The following MAMSTR variants were observed in gnomAD, a reference collection of about 807,000 sequenced individuals.
MAMSTR encodes the protein MEF2 activating motif and SAP domain containing transcriptional regulator, also known as MEF2-activating motif and SAP domain-containing transcriptional regulator.
MAMSTR carries 41 observed loss-of-function variants against 42.7 expected under a neutral mutation model. The ratio of observed to expected loss-of-function variants is 0.96; its 90% CI spans 0.75 to 1.25. MAMSTR has a LOEUF of 1.25. MAMSTR is among the 50% of genes most tolerant of loss of function. The pLI is 0.00. For synonymous variants in MAMSTR, 265 were observed against 244.1 expected (o/e 1.09, Z -0.80); for missense variants, 567 against 557.6 (o/e 1.02, Z -0.17).
Position 48,714,787 on chromosome 19 carries a change from A to C in MAMSTR, c.528+19T>G. ...ACCGAAGGAGAGAGAAGGCCTGGAA[A>C]GTTACACCCCAAACTCACCGTCAGC... is the stretch of plus-strand genomic sequence containing the variant. On this transcript the variant is annotated intron_variant, in intron 6 of 9. Transcript: ENST00000318083. 5.8e-6 allele frequency: 9 copies of C among 1,564,330 alleles called. No homozygotes were observed. The highest frequency in any genetic ancestry group is 7.9e-6 in the Non-Finnish European group (9 of 1,133,858).
Position 48,713,030 on chromosome 19 carries a change from C to A in MAMSTR, c.*237G>T. ...GCAGCAAGCAGCTTGTTTGCCGTGGCCAGCAGCAAAAGAAGCCCCCCAACC... is the reference window on the plus strand; with the variant it reads ...GCAGCAAGCAGCTTGTTTGCCGTGGACAGCAGCAAAAGAAGCCCCCCAACC... On this transcript the variant is annotated 3_prime_UTR_variant, in exon 10 of 10. Transcript: ENST00000318083. The A allele has an allele frequency of 2.1e-6, 1 of 469,042 alleles. No individual in the cohort carries two copies. 29.1% of individuals were successfully genotyped at this position (469,042 alleles called of 1,614,324 possible).
In MAMSTR at chr19:48,715,390, T is replaced by A. The variant is rs1048729125; in HGVS notation, c.297A>T (p.Thr99=). 3 of 1,523,652 alleles carry A rather than the reference T, an allele frequency of 2.0e-6. No homozygotes were observed. The highest frequency in any genetic ancestry group is 2.6e-6 in the Non-Finnish European group (3 of 1,142,552). The allele number at this position is 1,523,652 out of a possible 1,614,324, so 94.4% of individuals were successfully genotyped here. ...GCTCTGGGGGCATGTACTGGTGGTA[T>A]GTCAAGTTCCCCCTGGGCTTGGACT... is the stretch of plus-strand genomic sequence containing the variant. ...WRESKPRGNL[T]YHQYMPPEPR... Residue 99 remains threonine (T), a synonymous_variant, in exon 5 of 10, where the codon ACA becomes ACT. Transcript: ENST00000318083.
chr19:48,717,008 C>T (rs2033068944), intron 2 of MAMSTR: 27 of 1,124,194 alleles, frequency 2.4e-5, no homozygotes, highest in Admixed American at 4.9e-5. Flanking sequence ...CTGCCCCCGG[C>T]TCCACCTGCC....
downstream of MAMSTR, among the ~76,000 whole-genome samples, chr19:48,707,816 G>GAC (rs2032665177): frequency 8.2e-6 from 1 of 121,944 alleles, no homozygotes; most frequent in Non-Finnish European, 1.7e-5. Flanking sequence ...AGGAAAGAAA[G>GAC]AAAGAAAGAC....
At position 48,719,284 on chromosome 19, in the gene MAMSTR, AAGAC is replaced by A. The variant is rs924372819; in HGVS notation, c.-21-236_-21-233del. ...CTGGGGACCCAGACACCTGGTCTGA[AAGAC>A]AGGGCTGAGGGTCTCAACCCTGGGA... On this transcript the variant is annotated intron_variant, in intron 1 of 9. Coordinates refer to ENST00000318083, the MANE Select transcript of MAMSTR (RefSeq NM_001130915.2). The surrounding 1 kb of genome is among the most constrained non-coding windows in gnomAD (Gnocchi z 4.4). Among the ~76,000 whole-genome samples the A allele has an allele frequency of 1.3e-5, 2 of 152,014 alleles. No homozygotes were observed. Among genetic ancestry groups the A allele is most frequent in the African/African-American group, 4.8e-5 (2 of 41,396 alleles).
chr19:48,714,223 G>T, intron 7 of MAMSTR, 143 bp downstream of exon 7: 2 of 985,392 alleles, frequency 2.0e-6, no homozygotes, highest in Non-Finnish European at 1.4e-6. Context: ...CCCCCTGTTA[G>T]TCTGAACCAC....
downstream of MAMSTR, among the ~76,000 whole-genome samples, chr19:48,710,642 G>C (rs1317039241): frequency 3.6e-4 from 54 of 148,536 alleles, no homozygotes; most frequent in African/African-American, 1.3e-3. Flanking sequence ...TGTCACCCAG[G>C]CTGGAGTGCA....
chr19:48,710,015 G>A (rs1284864965), downstream of MAMSTR, among the ~76,000 whole-genome samples: 5 of 151,556 alleles, frequency 3.3e-5, no homozygotes, highest in Non-Finnish European at 5.9e-5. Flanking sequence ...GACTACAGGC[G>A]CCCACCACTG....
intron 2 of MAMSTR, 187 bp from the exon 3 acceptor site, chr19:48,716,930 A>C: frequency 8.3e-7 from 1 of 1,200,210 alleles, no homozygotes; most frequent in Non-Finnish European, 1.0e-6. Context: ...GCTCCCTGCC[A>C]GCGCAGCGCC....
In MAMSTR at chr19:48,719,416, C is replaced by A. The variant is rs2033169750; in HGVS notation, c.-22+263G>T. ...CTAGGAAAGGGAGGAAGCAGAGGGG[C>A]CTGGAGTCTGGAATCTTGAAGGAGA... On this transcript the variant is annotated intron_variant, in intron 1 of 9. Transcript: ENST00000318083. This position sits in a 1 kb window ranked among gnomAD's most constrained non-coding sequence, Gnocchi z 4.4. Among the ~76,000 whole-genome samples, 1 of 152,022 alleles carries A rather than the reference C, an allele frequency of 6.6e-6. No individual in the cohort carries two copies. The highest frequency in any genetic ancestry group is 1.5e-5 in the Non-Finnish European group (1 of 67,986).
chr19:48,718,000 C>T (rs1406200282), intron 2 of MAMSTR, among the ~76,000 whole-genome samples: 5 of 152,170 alleles, frequency 3.3e-5, no homozygotes, highest in African/African-American at 9.7e-5. Context: ...CCACCTTGCC[C>T]GGCGTCATTT....
downstream of MAMSTR, among the ~76,000 whole-genome samples, chr19:48,707,767 A>G (rs1335421408): frequency 6.7e-6 from 1 of 149,488 alleles, no homozygotes; most frequent in African/African-American, 2.5e-5. Context: ...AGAGAAAGAA[A>G]AGAGAAAGAA....
chr19:48,719,373 G>A lies in MAMSTR; in HGVS notation c.-22+306C>T, dbSNP rs1196319894. Among the ~76,000 whole-genome samples, 1 of 152,086 alleles carries A rather than the reference G, an allele frequency of 6.6e-6. No homozygotes were observed. Reference sequence around the variant, plus strand: ...CTGGGTCCTGAGGAGGAAGGGTTGCGGGTTGGGACCCCTGTGTCTAGGAAA... The same window carrying A: ...CTGGGTCCTGAGGAGGAAGGGTTGCAGGTTGGGACCCCTGTGTCTAGGAAA... On this transcript the variant is annotated intron_variant, in intron 1 of 9. Transcript: ENST00000318083. This position sits in a 1 kb window ranked among gnomAD's most constrained non-coding sequence, Gnocchi z 4.4.
chr19:48,713,231 C>A lies in MAMSTR; in HGVS notation c.*36G>T. The stretch of plus-strand genomic sequence containing the variant: ...TCCCACAAGGAGCTTCTCTCCACCC[C>A]CATCAGTTCTCTGTCTCTGTAAATC... On this transcript the variant is annotated 3_prime_UTR_variant, in exon 10 of 10. Transcript: ENST00000318083. 2.6e-6 allele frequency: 4 copies of A among 1,538,768 alleles called. No homozygotes were observed. Among genetic ancestry groups the A allele is most frequent in the Non-Finnish European group, 3.5e-6 (4 of 1,145,284 alleles).
intron 2 of MAMSTR, 97 bp downstream of exon 2, chr19:48,718,876 AC>A: frequency 8.0e-7 from 1 of 1,242,944 alleles, no homozygotes; most frequent in East Asian, 2.6e-5. Context: ...TGCACAAAAA[AC>A]ACAGGCCTCA....
the MAMSTR span, among the ~76,000 whole-genome samples, chr19:48,706,899 C>G: frequency 2.7e-4 from 40 of 150,102 alleles, no homozygotes; most frequent in Non-Finnish European, 1.8e-4. Context: ...GAGTTCAAGA[C>G]CAGCTTGGGC....
chr19:48,715,980 A>G (rs2033007729), intron 3 of MAMSTR: 9 of 1,365,894 alleles, frequency 6.6e-6, no homozygotes, highest in Admixed American at 3.7e-5. Context: ...GGAATTTTCT[A>G]TCACAAAGGG....
At chr19:48,715,496 C>G (rs957200027) in intron 4 of MAMSTR, 50 bp from the exon 5 acceptor site, 1 of 1,463,666 alleles carries the variant, frequency 6.8e-7, no homozygotes, top group Non-Finnish European at 9.0e-7. Context: ...TCCCACCTTC[C>G]GGCCCCAGGA....
In MAMSTR at chr19:48,719,570, A is replaced by C. The variant is rs2033174367; in HGVS notation, c.-22+109T>G. ...CCCCTGTGACCTGCATCTGAGAAGG[A>C]GTGAGTAGGGTGTCAGCCACCAGGT... is the stretch of plus-strand genomic sequence containing the variant. On this transcript the variant is annotated intron_variant, in intron 1 of 9. Coordinates refer to ENST00000318083, the MANE Select transcript of MAMSTR (RefSeq NM_001130915.2). The surrounding 1 kb of genome is among the most constrained non-coding windows in gnomAD (Gnocchi z 4.4). 1 of 156,128 alleles carries C rather than the reference A, an allele frequency of 6.4e-6. No homozygotes were observed. Among genetic ancestry groups the C allele is most frequent in the Non-Finnish European group, 1.4e-5 (1 of 70,558 alleles). 9.7% of individuals were successfully genotyped at this position (156,128 alleles called of 1,614,324 possible).
Sources: allele counts gnomAD v4.1 joint callset (sites outside exome capture counted in the v4.1 genomes callset), GRCh38; gene constraint gnomAD v4.1.1; non-coding constraint Gnocchi (gnomAD v3.1); transcripts MANE v1.5; gene names NCBI Gene and HGNC (gene_info 2026-07-23, HGNC 2026-07-21).